Variants in MYO16 observed in about 807,000 individuals in gnomAD.
MYO16 encodes unconventional myosin-XVI.
A neutral mutation model predicts 205.3 loss-of-function variants in MYO16; 94 were observed. That is an observed-to-expected ratio of 0.46 (90% CI 0.39 to 0.54). The LOEUF (loss-of-function observed/expected upper bound fraction) is 0.54, where lower values mean the gene tolerates loss of function less well. Among genes scored for constraint, MYO16 ranks in the 20% least tolerant of loss-of-function variants. The pLI is 0.00. For missense variants in MYO16, 2,315 were observed against 2,387.5 expected (o/e 0.97, Z 0.63); for synonymous variants, 988 against 954.0 (o/e 1.04, Z -0.66).
the MYO16 span, among the ~76,000 whole-genome samples, chr13:108,497,497 A>G: frequency 6.6e-6 from 1 of 152,170 alleles, no homozygotes; most frequent in Non-Finnish European, 1.5e-5. Flanking sequence ...TAGACAGCAT[A>G]TGTTCCAGGG....
intron 34 of MYO16, among the ~76,000 whole-genome samples, chr13:109,181,668 G>C (rs1879455785): frequency 6.6e-6 from 1 of 152,124 alleles, no homozygotes; most frequent in Non-Finnish European, 1.5e-5. Context: ...TCAGTGATTT[G>C]CCAAAGATCA....
intron 3 of MYO16, among the ~76,000 whole-genome samples, chr13:108,719,103 CT>C (rs1291422303): frequency 1.3e-5 from 2 of 152,088 alleles, no homozygotes; most frequent in African/African-American, 4.8e-5. Flanking sequence ...GTTTTTATAT[CT>C]TTGTAATAAG....
At chr13:109,157,567 A>T (rs1050219662) in intron 32 of MYO16, among the ~76,000 whole-genome samples, 11 of 152,176 alleles carry the variant, frequency 7.2e-5, no homozygotes, top group Non-Finnish European at 1.6e-4. Context: ...TTCCTAGAGC[A>T]TTTTGCAGAG....
intron 28 of MYO16, among the ~76,000 whole-genome samples, chr13:109,116,560 C>A (rs1875698480): frequency 1.3e-5 from 2 of 152,164 alleles, no homozygotes; most frequent in East Asian, 3.8e-4. Context: ...TTCTCAACTA[C>A]CGACCATCAA....
At chr13:108,979,270 A>C (rs1316122501) in intron 20 of MYO16, among the ~76,000 whole-genome samples, 1 of 151,482 alleles carries the variant, frequency 6.6e-6, no homozygotes, top group African/African-American at 2.4e-5. Context: ...TCATGAGCTG[A>C]ATATTTGTTT....
At chr13:108,798,813 C>A (rs1440531892) in intron 6 of MYO16, among the ~76,000 whole-genome samples, 3 of 142,312 alleles carry the variant, frequency 2.1e-5, no homozygotes, top group African/African-American at 7.9e-5. Context: ...TCACGCCATT[C>A]TCCTGCCTCA....
intron 15 of MYO16, among the ~76,000 whole-genome samples, chr13:108,898,401 G>A (rs189763887): frequency 8.5e-4 from 93 of 108,824 alleles, no homozygotes; most frequent in Middle Eastern, 4.3e-3. Context: ...TACATACCTA[G>A]GATGTCAGGT....
At chr13:108,675,517 T>C (rs1277134125) in intron 2 of MYO16, among the ~76,000 whole-genome samples, 2 of 152,186 alleles carry the variant, frequency 1.3e-5, no homozygotes, top group Non-Finnish European at 2.9e-5. Context: ...TTTAATTGTC[T>C]GCTATATAGT....
At chr13:108,882,495 T>A (rs1269655746) in intron 12 of MYO16, among the ~76,000 whole-genome samples, 1 of 152,230 alleles carries the variant, frequency 6.6e-6, no homozygotes, top group Non-Finnish European at 1.5e-5. Context: ...ACTCTTGAGT[T>A]TTTATTCTAA....
At chr13:108,798,790 C>T (rs1260603728) in intron 6 of MYO16, among the ~76,000 whole-genome samples, 3 of 142,984 alleles carry the variant, frequency 2.1e-5, no homozygotes, top group East Asian at 4.1e-4. Flanking sequence ...ACTGCAAGCT[C>T]CGCCTCCCGG....
chr13:108,706,086 C>T (rs1035746006), intron 2 of MYO16, among the ~76,000 whole-genome samples: 5 of 152,106 alleles, frequency 3.3e-5, no homozygotes, highest in Non-Finnish European at 4.4e-5. Flanking sequence ...AGCTGATGCA[C>T]ATGATATAGT....
At chr13:109,189,606 A>G (rs1879826676) in intron 34 of MYO16, among the ~76,000 whole-genome samples, 1 of 152,204 alleles carries the variant, frequency 6.6e-6, no homozygotes, top group Admixed American at 6.5e-5. Flanking sequence ...CAGTTGAACC[A>G]TGTGCTACAT....
chr13:108,821,955 A>C (rs1056708589), intron 8 of MYO16, among the ~76,000 whole-genome samples: 1 of 152,154 alleles, frequency 6.6e-6, no homozygotes, highest in Non-Finnish European at 1.5e-5. Flanking sequence ...CTTTTATCAC[A>C]TGCAAAACGC....
the MYO16 span, among the ~76,000 whole-genome samples, chr13:108,549,088 A>G: frequency 2.6e-5 from 4 of 152,212 alleles, no homozygotes; most frequent in East Asian, 7.7e-4. Flanking sequence ...TTAGATTCCC[A>G]TATGTTGTAG....
the MYO16 span, among the ~76,000 whole-genome samples, chr13:108,574,515 A>G: frequency 6.6e-6 from 1 of 152,190 alleles, no homozygotes; most frequent in Non-Finnish European, 1.5e-5. Context: ...ACTAACTTTT[A>G]TGTAACAGGA....
intron 6 of MYO16, among the ~76,000 whole-genome samples, chr13:108,805,767 A>G (rs1311454009): frequency 6.6e-6 from 1 of 151,846 alleles, no homozygotes; most frequent in Non-Finnish European, 1.5e-5. Flanking sequence ...CTTATTTCTA[A>G]ACTTAAGATT....
intron 32 of MYO16, among the ~76,000 whole-genome samples, chr13:109,157,449 C>G (rs777882838): frequency 1.6e-4 from 25 of 152,058 alleles, no homozygotes; most frequent in African/African-American, 5.6e-4. Context: ...CCTTTTCCCT[C>G]CCCCTCTCCA....
At chr13:108,942,006 T>A (rs1882752230) in intron 16 of MYO16, among the ~76,000 whole-genome samples, 1 of 152,236 alleles carries the variant, frequency 6.6e-6, no homozygotes, top group Admixed American at 6.5e-5. Flanking sequence ...TATGCATACA[T>A]ACAGTAAACT....
chr13:109,076,657 AG>A (rs1285109071), intron 27 of MYO16, among the ~76,000 whole-genome samples: 1 of 151,606 alleles, frequency 6.6e-6, no homozygotes. Flanking sequence ...CCGCAAGAGT[AG>A]AACCTTCCTC....
Sources: gnomAD v4.1 joint callset for allele counts (sites outside exome capture counted in the v4.1 genomes callset) on GRCh38, gnomAD v4.1.1 for gene constraint, MANE v1.5 for transcripts, NCBI Gene and HGNC (gene_info 2026-07-23, HGNC 2026-07-21) for gene names.